Variants in SLC36A2 observed in about 807,000 individuals in gnomAD.
SLC36A2 encodes the protein solute carrier family 36 member 2, also known as proton-coupled amino acid transporter 2.
In SLC36A2, 39 loss-of-function variants were observed where a neutral mutation model predicts 42.7. The observed-to-expected ratio is 0.91, with a 90% CI of 0.71 to 1.19. The LOEUF (loss-of-function observed/expected upper bound fraction) is 1.19. SLC36A2 is among the 50% of genes most tolerant of loss of function. The probability of loss-of-function intolerance (pLI) is 0.00; values close to 1 mark genes in which losing one functional copy is unlikely to be tolerated. For synonymous variants in SLC36A2, 237 were observed against 240.8 expected, an observed-to-expected ratio of 0.98 and a Z score of 0.15; for missense variants, 590 against 613.7, an observed-to-expected ratio of 0.96 and a Z score of 0.41.
chr5:151,325,260 C>T (rs1308299363), intron 8 of SLC36A2, 26 bp downstream of exon 8: 2 of 1,610,380 alleles, frequency 1.2e-6, no homozygotes, highest in Non-Finnish European at 1.7e-6. Context: ...CCTGAGTCCC[C>T]ACCACCTGAC....
intron 1 of SLC36A2, 98 bp from the exon 2 acceptor site, chr5:151,344,365 C>A (rs1027262166): frequency 2.1e-5 from 21 of 995,710 alleles, no homozygotes; most frequent in Non-Finnish European, 2.8e-5. Flanking sequence ...TAGGCGGGCT[C>A]CTAGCCATCT....
At chr5:151,336,202 A>T (rs936969130) in intron 5 of SLC36A2, among the ~76,000 whole-genome samples, 1 of 152,282 alleles carries the variant, frequency 6.6e-6, no homozygotes, top group Non-Finnish European at 1.5e-5. Flanking sequence ...TGGCATAGCT[A>T]GGGGATTAGC....
chr5:151,324,168 A>G (rs1755784686), intron 8 of SLC36A2, among the ~76,000 whole-genome samples: 1 of 151,858 alleles, frequency 6.6e-6, no homozygotes, highest in African/African-American at 2.4e-5. Context: ...TTTGTTTGAG[A>G]CAGAGTCTCT....
intron 7 of SLC36A2, among the ~76,000 whole-genome samples, chr5:151,327,706 A>G (rs1239827768): frequency 1.3e-5 from 2 of 152,190 alleles, no homozygotes; most frequent in African/African-American, 4.8e-5. Context: ...GCCAAAAATG[A>G]TCTTTTCACA....
intron 6 of SLC36A2, among the ~76,000 whole-genome samples, chr5:151,335,111 A>G (rs1416071688): frequency 6.6e-6 from 1 of 152,176 alleles, no homozygotes; most frequent in East Asian, 1.9e-4. Context: ...AATTTGACAT[A>G]AAAATAGATA....
intron 9 of SLC36A2, among the ~76,000 whole-genome samples, chr5:151,321,173 T>TTATTTATG (rs1755675876): frequency 6.6e-6 from 1 of 151,564 alleles, no homozygotes. Flanking sequence ...ATTTATTTAT[T>TTATTTATG]AATATATTTG....
Position 151,347,357 on chromosome 5 carries a change from G to A in SLC36A2, c.104C>T (p.Ser35Phe). The A allele has an allele frequency of 6.2e-7, 1 of 1,614,210 alleles. No individual in the cohort carries two copies. The highest frequency in any genetic ancestry group is 8.5e-7 in the Non-Finnish European group (1 of 1,180,030). ...TGAAGGACTTTCATCCAAGAATGTA[G>A]AGTCCTTGTTCTCCAACTTCTTGGC... Reference protein sequence around the residue: ...ESAKKLENKDSTFLDESPSES... With the variant: ...ESAKKLENKDFTFLDESPSES... The change falls in exon 1 of 10, where the codon TCT becomes TTT. Residue 35 changes from serine (S) to phenylalanine (F), a missense_variant. By Grantham distance (155) the Ser-to-Phe change is radical (BLOSUM62 -2). Coordinates refer to ENST00000335244, the MANE Select transcript of SLC36A2 (RefSeq NM_181776.3).
intron 7 of SLC36A2, among the ~76,000 whole-genome samples, chr5:151,327,512 G>A (rs1179937984): frequency 1.3e-5 from 2 of 152,208 alleles, no homozygotes. Flanking sequence ...GCATTTGGAA[G>A]ATGCTTGAGG....
At chr5:151,343,670 G>T in intron 2 of SLC36A2, 72 bp from the exon 3 acceptor site, 1 of 1,344,706 alleles carries the variant, frequency 7.4e-7, no homozygotes, top group Non-Finnish European at 1.1e-6. Context: ...TGCAAGATGG[G>T]CTTGGTAGTG....
chr5:151,324,571 A>G (rs895599876), intron 8 of SLC36A2, among the ~76,000 whole-genome samples: 1 of 152,078 alleles, frequency 6.6e-6, no homozygotes, highest in Non-Finnish European at 1.5e-5. Flanking sequence ...ACCTCAGGTG[A>G]TCCACCCACC....
rs1218917909 is a variant in SLC36A2, at chr5:151,315,239, G to GT, written c.*1577dup. 9 of 152,620 alleles carry GT rather than the reference G, an allele frequency of 5.9e-5. No homozygotes were observed. Among genetic ancestry groups the GT allele is most frequent in the African/African-American group, 2.2e-4 (9 of 41,436 alleles). The allele number at this position is 152,620 out of a possible 1,614,324, so 9.5% of individuals were successfully genotyped here. ...TCAACTCCATAGAGCAGCAAGTGAT[G>GT]TAAGTCCTGATGCATAGGTTATTAC... On this transcript the variant is annotated 3_prime_UTR_variant, in exon 10 of 10. Coordinates refer to ENST00000335244, the MANE Select transcript of SLC36A2 (RefSeq NM_181776.3).
intron 5 of SLC36A2, chr5:151,338,526 A>T (rs555832583): frequency 6.5e-6 from 1 of 154,236 alleles, no homozygotes; most frequent in South Asian, 2.0e-4. Context: ...ATAAAAAAAA[A>T]TTAGCCAGAC....
intron 8 of SLC36A2, chr5:151,325,059 C>T (rs1456285753): frequency 3.3e-6 from 2 of 600,182 alleles, no homozygotes; most frequent in African/African-American, 1.8e-5. Flanking sequence ...TAAGTCATGT[C>T]CTCCTTCACA....
chr5:151,316,739 T>C lies in SLC36A2; in HGVS notation c.*78A>G, dbSNP rs1452474714. The C allele has an allele frequency of 1.3e-5, 9 of 698,148 alleles. No homozygotes were observed. Among genetic ancestry groups the C allele is most frequent in the Non-Finnish European group, 1.8e-5 (9 of 503,934 alleles). The allele number at this position is 698,148 out of a possible 1,614,324, so 43.2% of individuals were successfully genotyped here. A position where few individuals can be genotyped will look rare whatever the true frequency, so the allele number is the denominator to read the frequency against. On this transcript the variant is annotated 3_prime_UTR_variant, in exon 10 of 10. Coordinates refer to ENST00000335244, the MANE Select transcript of SLC36A2 (RefSeq NM_181776.3). Reference sequence around the variant, plus strand: ...TGGGCAACAAGACAGAAACTCCGTCTCAAAAAAAAAAAAAAAAAAAAAAAG... The same window carrying C: ...TGGGCAACAAGACAGAAACTCCGTCCCAAAAAAAAAAAAAAAAAAAAAAAG...
chr5:151,333,268 G>A lies in SLC36A2; in HGVS notation c.799C>T (p.Leu267Phe), dbSNP rs754429929. The A allele has an allele frequency of 6.2e-7, 1 of 1,614,138 alleles. No homozygotes were observed. Among genetic ancestry groups the A allele is most frequent in the South Asian group, 1.1e-5 (1 of 91,082 alleles). Reference protein sequence around the residue: ...PLVASWKTYPLFFGTAIFSFE... With the variant: ...PLVASWKTYPFFFGTAIFSFE... The stretch of plus-strand genomic sequence containing the variant: ...GAAAAAATGGCTGTTCCGAAGAAGA[G>A]AGGGTAGGTCTTCCAGCTTGCTACC... Residue 267 changes from leucine to phenylalanine, a missense_variant, in exon 7 of 10, where the codon CTC becomes TTC. Transcript: ENST00000335244.
chr5:151,340,956 T>A (rs1756327944), intron 4 of SLC36A2, among the ~76,000 whole-genome samples: 1 of 152,214 alleles, frequency 6.6e-6, no homozygotes, highest in Non-Finnish European at 1.5e-5. Flanking sequence ...AGATAGGATG[T>A]TGGCTACAAT....
intron 5 of SLC36A2, among the ~76,000 whole-genome samples, chr5:151,336,889 A>G (rs564529957): frequency 6.6e-6 from 1 of 152,334 alleles, no homozygotes; most frequent in South Asian, 2.1e-4. Flanking sequence ...TCAAGATGCT[A>G]ACATCTTGGA....
intron 9 of SLC36A2, among the ~76,000 whole-genome samples, chr5:151,321,080 C>A (rs1166756936): frequency 6.6e-6 from 1 of 152,200 alleles, no homozygotes; most frequent in Non-Finnish European, 1.5e-5. Flanking sequence ...GAAATCTAGA[C>A]TAGAAAGAGC....
chr5:151,328,429 G>A (rs1365386621), intron 7 of SLC36A2, among the ~76,000 whole-genome samples: 1 of 152,126 alleles, frequency 6.6e-6, no homozygotes, highest in Admixed American at 6.5e-5. Flanking sequence ...AGAACTATGC[G>A]GTGCATACAG....
Sources: gnomAD v4.1 joint callset for allele counts (sites outside exome capture counted in the v4.1 genomes callset) on GRCh38, gnomAD v4.1.1 for gene constraint, MANE v1.5 for transcripts, NCBI Gene and HGNC (gene_info 2026-07-23, HGNC 2026-07-21) for gene names.